POU2F2: variants seen among roughly 807,000 people sequenced by gnomAD.
POU2F2 encodes the protein POU class 2 homeobox 2, also known as POU domain, class 2, transcription factor 2.
POU2F2 carries 14 observed loss-of-function variants against 63.5 expected under a neutral mutation model. The observed-to-expected ratio is 0.22, with a 90% CI of 0.15 to 0.34. POU2F2 has a LOEUF of 0.34. Among genes scored for constraint, POU2F2 ranks in the 10% least tolerant of loss-of-function variants. The probability of loss-of-function intolerance (pLI) is 1.00; values close to 1 mark genes in which losing one functional copy is unlikely to be tolerated. For missense variants in POU2F2, 607 were observed against 815.2 expected (o/e 0.74, Z 3.11); for synonymous variants, 306 against 348.6 (o/e 0.88, Z 1.36).
intron 5 of POU2F2, among the ~76,000 whole-genome samples, chr19:42,104,687 CA>C (rs1432438674): frequency 6.6e-6 from 1 of 152,108 alleles, no homozygotes; most frequent in Non-Finnish European, 1.5e-5. Context: ...CTTGGGTATG[CA>C]TAGTTGATGT....
chr19:42,188,772 G>A (rs1221356255), intron 1 of POU2F2, among the ~76,000 whole-genome samples: 1 of 141,862 alleles, frequency 7.0e-6, no homozygotes, highest in Non-Finnish European at 1.5e-5. Flanking sequence ...AGGAAGGGAG[G>A]GAGGGAGGGA....
At chr19:42,112,186 T>G (rs2031215807) in intron 5 of POU2F2, among the ~76,000 whole-genome samples, 1 of 152,142 alleles carries the variant, frequency 6.6e-6, no homozygotes. Flanking sequence ...ACCACACACC[T>G]CCAGGTGGGC....
chr19:42,196,712 C>T (rs1426630584), upstream of POU2F2: 1 of 152,400 alleles, frequency 6.6e-6, no homozygotes, highest in Non-Finnish European at 1.5e-5. Context: ...CCCCCCGCGC[C>T]TCGCCCGCAC....
chr19:42,194,024 G>A (rs768178062), intron 1 of POU2F2, among the ~76,000 whole-genome samples: 10 of 152,124 alleles, frequency 6.6e-5, no homozygotes, highest in Admixed American at 1.3e-4. Context: ...CAAACATATG[G>A]TATGATTCCA....
rs184267122 is a variant in POU2F2 at position 42,152,674 on chromosome 19, G to A, written c.-9+7658C>T. The A allele has an allele frequency of 0.016, 2,495 of 152,592 alleles. 37 individuals are homozygous for A. The highest frequency in any genetic ancestry group is 0.022 in the Non-Finnish European group (1,497 of 68,276). The allele number at this position is 152,592 out of a possible 1,614,324, so 9.5% of individuals were successfully genotyped here. A position where few individuals can be genotyped will look rare whatever the true frequency, so the allele number is the denominator to read the frequency against. On this transcript the variant is annotated intron_variant, in intron 2 of 6. Coordinates refer to the POU2F2 transcript ENST00000524801. The surrounding 1 kb of genome is among the most constrained non-coding windows in gnomAD (Gnocchi z 4.1). ...ACTCCCCTACAGCAGGAGAGCTTAG[G>A]GAGGCTGAGAGCTTGGACAGCCGGG...
intron 1 of POU2F2, among the ~76,000 whole-genome samples, chr19:42,126,315 T>G (rs1264832544): frequency 6.6e-6 from 1 of 151,792 alleles, no homozygotes; most frequent in Non-Finnish European, 1.5e-5. Flanking sequence ...TGGTAGTGTG[T>G]GCCTGTAATC....
At chr19:42,102,649 G>GA in intron 5 of POU2F2, among the ~76,000 whole-genome samples, 1 of 151,428 alleles carries the variant, frequency 6.6e-6, no homozygotes, top group East Asian at 1.9e-4. Flanking sequence ...AAAATAAAGG[G>GA]AAAAAAGGGG....
chr19:42,155,147 C>T lies in POU2F2; in HGVS notation c.-9+5185G>A, dbSNP rs1166226825. 6.6e-6 allele frequency among the ~76,000 whole-genome samples: 1 copy of T among 152,246 alleles called. No individual in the cohort carries two copies. Among genetic ancestry groups the T allele is most frequent in the Non-Finnish European group, 1.5e-5 (1 of 68,046 alleles). On this transcript the variant is annotated intron_variant, in intron 2 of 6. Coordinates refer to the POU2F2 transcript ENST00000524801. The surrounding 1 kb of genome is among the most constrained non-coding windows in gnomAD (Gnocchi z 4.2). Reference sequence around the variant, plus strand: ...CTGCCTCAGCTGCAGCTGCCCCGCACTGTTTTTTCTTTCTCATTGTCCCCT... The same window carrying T: ...CTGCCTCAGCTGCAGCTGCCCCGCATTGTTTTTTCTTTCTCATTGTCCCCT...
chr19:42,145,177 A>T (rs1483300527), intron 2 of POU2F2, among the ~76,000 whole-genome samples: 1 of 152,232 alleles, frequency 6.6e-6, no homozygotes, highest in African/African-American at 2.4e-5. Context: ...GACCTTATAA[A>T]TATCAGTTAA....
At chr19:42,193,217 CAAA>C (rs1046136227) in intron 1 of POU2F2, among the ~76,000 whole-genome samples, 2 of 65,980 alleles carry the variant, frequency 3.0e-5, no homozygotes, top group Non-Finnish European at 3.0e-5. Context: ...GACTCCGTCT[CAAA>C]AAAAAAAAAA....
chr19:42,187,657 G>A (rs1479881672), intron 1 of POU2F2, among the ~76,000 whole-genome samples: 1 of 151,476 alleles, frequency 6.6e-6, no homozygotes, highest in Non-Finnish European at 1.5e-5. Flanking sequence ...AGCTACTTGG[G>A]AGGCTGAGGT....
chr19:42,149,188 C>G (rs964776506), intron 2 of POU2F2, among the ~76,000 whole-genome samples: 5 of 152,146 alleles, frequency 3.3e-5, no homozygotes, highest in African/African-American at 1.2e-4. Flanking sequence ...GGCTCAGGGC[C>G]AGCATGACTT....
At chr19:42,141,180 G>A (rs941940950) in intron 2 of POU2F2, among the ~76,000 whole-genome samples, 9 of 152,222 alleles carry the variant, frequency 5.9e-5, no homozygotes, top group Non-Finnish European at 1.2e-4. Flanking sequence ...AGCTCCTTGA[G>A]AAGAGGGCTC....
intron 4 of POU2F2, among the ~76,000 whole-genome samples, chr19:42,120,465 C>T (rs1264777356): frequency 6.6e-6 from 1 of 152,204 alleles, no homozygotes; most frequent in Admixed American, 6.5e-5. Flanking sequence ...AGGTGATCTG[C>T]CCGCTTTGTC....
chr19:42,122,524 T>A lies in POU2F2; in HGVS notation c.81A>T (p.Pro27=), dbSNP rs373677672. ...CTGCCCACCCACCTGTGTGCTCTGA[T>A]GGGGAGTCCAGACCTTGCTTCTCGG... is the stretch of plus-strand genomic sequence containing the variant. ...LEAEKQGLDS[P]SEHTDTERNG... Residue 27 remains proline, a synonymous_variant, in exon 2 of 15, where the codon CCA becomes CCT. Coordinates refer to ENST00000692977, the MANE Select transcript of POU2F2 (RefSeq NM_001394376.1). 8.4e-5 allele frequency: 135 copies of A among 1,610,246 alleles called. 1 individual carries two copies. The South Asian group carries it at 1.3e-3, about 16-fold the overall frequency.
intron 5 of POU2F2, among the ~76,000 whole-genome samples, chr19:42,105,907 C>T (rs2077316715): frequency 6.6e-6 from 1 of 151,660 alleles, no homozygotes; most frequent in Admixed American, 6.6e-5. Context: ...GTTTTTGTGC[C>T]CTGAATTCTT....
chr19:42,101,276 C>G (rs536677905), intron 5 of POU2F2, among the ~76,000 whole-genome samples: 1 of 151,942 alleles, frequency 6.6e-6, no homozygotes, highest in East Asian at 1.9e-4. Flanking sequence ...CTGCCACCCC[C>G]CAAAAAGGTA....
At chr19:42,103,087 T>C (rs1195437030) in intron 5 of POU2F2, among the ~76,000 whole-genome samples, 1 of 151,966 alleles carries the variant, frequency 6.6e-6, no homozygotes, top group Non-Finnish European at 1.5e-5. Context: ...TACATGCCGT[T>C]CCCTCTCCTG....
In POU2F2 at chr19:42,095,977, C is replaced by T; in HGVS notation, c.730-48G>A. On this transcript the variant is annotated intron_variant, in intron 8 of 14. Transcript: ENST00000692977. This position sits in a 1 kb window ranked among gnomAD's most constrained non-coding sequence, Gnocchi z 7.1. ...GGCCCGAAGTCAGGGTGGGGCCTTC[C>T]GGCACTGGGCCCGCTCCGCCCGCCC... The T allele has an allele frequency of 1.5e-5, 24 of 1,602,548 alleles. No homozygotes were observed. Among genetic ancestry groups the T allele is most frequent in the Non-Finnish European group, 2.0e-5 (24 of 1,174,168 alleles).
Sources: allele counts gnomAD v4.1 joint callset (sites outside exome capture counted in the v4.1 genomes callset), GRCh38; gene constraint gnomAD v4.1.1; non-coding constraint Gnocchi (gnomAD v3.1); transcripts MANE v1.5; gene names NCBI Gene and HGNC (gene_info 2026-07-23, HGNC 2026-07-21).